The following FRMD4A variants were observed in gnomAD, a reference collection of about 807,000 sequenced individuals.
FRMD4A encodes the protein FERM domain containing 4A.
Under a neutral mutation model 129.1 loss-of-function variants are expected in FRMD4A, and 29 were observed. That is an observed-to-expected ratio of 0.22 (90% CI 0.17 to 0.31). The LOEUF (loss-of-function observed/expected upper bound fraction) is 0.31. FRMD4A is among the 10% of genes least tolerant of loss of function. The pLI is 1.00. For missense variants in FRMD4A, 1,272 were observed against 1,375.8 expected, an observed-to-expected ratio of 0.92 and a Z score of 1.19; for synonymous variants, 634 against 571.6, an observed-to-expected ratio of 1.11 and a Z score of -1.56.
At chr10:13,896,266 A>G (rs2094757268) in intron 2 of FRMD4A, among the ~76,000 whole-genome samples, 2 of 152,182 alleles carry the variant, frequency 1.3e-5, no homozygotes, top group South Asian at 4.1e-4. Flanking sequence ...CTTAGAACCA[A>G]CCCAAATGCT....
At chr10:13,947,691 C>G (rs1226792038) in intron 2 of FRMD4A, among the ~76,000 whole-genome samples, 1 of 152,070 alleles carries the variant, frequency 6.6e-6, no homozygotes, top group Non-Finnish European at 1.5e-5. Context: ...GCAGAAGCCT[C>G]CAGTGTTTAA....
At chr10:14,278,863 T>A (rs2132057255) in intron 2 of FRMD4A, among the ~76,000 whole-genome samples, 1 of 152,322 alleles carries the variant, frequency 6.6e-6, no homozygotes, top group East Asian at 1.9e-4. Context: ...TTTCTGCTTT[T>A]TTGCTTTTAA....
intron 2 of FRMD4A, among the ~76,000 whole-genome samples, chr10:13,970,065 G>A (rs1565136589): frequency 6.6e-6 from 1 of 152,086 alleles, no homozygotes; most frequent in Non-Finnish European, 1.5e-5. Flanking sequence ...TCTCCCAGCT[G>A]GGGGATTTTT....
intron 2 of FRMD4A, among the ~76,000 whole-genome samples, chr10:14,247,535 C>T (rs369552624): frequency 1.3e-5 from 2 of 152,182 alleles, no homozygotes; most frequent in African/African-American, 4.8e-5. Context: ...CTCTCTTTCT[C>T]GCTCTTTCTG....
At chr10:14,003,191 A>C (rs2095648989) in intron 2 of FRMD4A, among the ~76,000 whole-genome samples, 2 of 152,094 alleles carry the variant, frequency 1.3e-5, no homozygotes, top group South Asian at 4.1e-4. Flanking sequence ...TGCACCACGG[A>C]ATAGAGGAGC....
At chr10:14,001,665 A>G (rs1004338220) in intron 2 of FRMD4A, among the ~76,000 whole-genome samples, 3 of 152,234 alleles carry the variant, frequency 2.0e-5, no homozygotes, top group Non-Finnish European at 2.9e-5. Context: ...CACGGGCCTA[A>G]CCAATGCAGG....
chr10:14,189,320 T>C (rs1288713902), intron 2 of FRMD4A, among the ~76,000 whole-genome samples: 2 of 152,138 alleles, frequency 1.3e-5, no homozygotes, highest in Non-Finnish European at 2.9e-5. Flanking sequence ...ACGCCTGTAA[T>C]CCCAGCACTT....
Position 13,714,453 on chromosome 10 carries a change from C to T in FRMD4A, c.760-7340G>A, listed in dbSNP as rs559991157. 1.1e-4 allele frequency among the ~76,000 whole-genome samples: 17 copies of T among 150,260 alleles called. No homozygotes were observed. In the East Asian group the frequency reaches 3.3e-3, roughly 29 times the overall value. On this transcript the variant is annotated intron_variant, in intron 12 of 24. Transcript: ENST00000357447. ...GGCATTCAATATATTTTACTTTTTA[C>T]AAAAAAAGAAGACAGAGGCAAGGCC...
chr10:13,765,226 T>C (rs1200859668), intron 6 of FRMD4A, among the ~76,000 whole-genome samples: 1 of 150,494 alleles, frequency 6.6e-6, no homozygotes, highest in Non-Finnish European at 1.5e-5. Flanking sequence ...GCAATTCTCC[T>C]GCCTCAGCCT....
At chr10:14,113,393 C>A (rs1361749991) in intron 2 of FRMD4A, among the ~76,000 whole-genome samples, 1 of 152,124 alleles carries the variant, frequency 6.6e-6, no homozygotes, top group East Asian at 1.9e-4. Flanking sequence ...AATATATTTT[C>A]TTCCTTGCAA....
intron 2 of FRMD4A, among the ~76,000 whole-genome samples, chr10:13,875,013 G>T (rs1190802791): frequency 6.6e-6 from 1 of 152,176 alleles, no homozygotes; most frequent in African/African-American, 2.4e-5. Flanking sequence ...ACACCTGGTG[G>T]ATCCGTCAAT....
intron 15 of FRMD4A, chr10:13,693,680 T>A: frequency 1.5e-6 from 1 of 688,654 alleles, no homozygotes; most frequent in Non-Finnish European, 2.5e-6. Flanking sequence ...GTGGTTCTAC[T>A]GATGCTTTTT....
At chr10:14,252,693 G>A (rs1345399571) in intron 2 of FRMD4A, among the ~76,000 whole-genome samples, 1 of 152,230 alleles carries the variant, frequency 6.6e-6, no homozygotes, top group Non-Finnish European at 1.5e-5. Flanking sequence ...GGTGGTATAT[G>A]CCACATATCT....
At chr10:13,908,837 A>T (rs2094910429) in intron 2 of FRMD4A, among the ~76,000 whole-genome samples, 1 of 152,260 alleles carries the variant, frequency 6.6e-6, no homozygotes, top group South Asian at 2.1e-4. Context: ...CAACAAGTTC[A>T]TGTGTAGTAT....
At chr10:13,981,695 C>T (rs1028419980) in intron 2 of FRMD4A, among the ~76,000 whole-genome samples, 3 of 146,580 alleles carry the variant, frequency 2.0e-5, no homozygotes, top group Non-Finnish European at 4.5e-5. Context: ...GCCGAGATCA[C>T]GCCATTGCAC....
intron 2 of FRMD4A, chr10:14,008,031 A>T (rs1269189096): frequency 2.3e-6 from 3 of 1,297,492 alleles, no homozygotes; most frequent in East Asian, 5.6e-5. Context: ...GGAGCAACTG[A>T]GAAGCAAACA....
chr10:13,754,023 A>G (rs1038889324), intron 8 of FRMD4A, among the ~76,000 whole-genome samples: 1 of 152,222 alleles, frequency 6.6e-6, no homozygotes, highest in Non-Finnish European at 1.5e-5. Context: ...AATTTCAGGC[A>G]AATAATTTTC....
intron 2 of FRMD4A, among the ~76,000 whole-genome samples, chr10:14,053,953 G>A (rs932870623): frequency 6.6e-5 from 10 of 152,148 alleles, no homozygotes; most frequent in African/African-American, 2.2e-4. Context: ...GCTGCAGTGA[G>A]TTATGATCAC....
At chr10:13,844,882 C>T (rs2094020543) in intron 3 of FRMD4A, among the ~76,000 whole-genome samples, 1 of 152,126 alleles carries the variant, frequency 6.6e-6, no homozygotes, top group Non-Finnish European at 1.5e-5. Context: ...GGATACAGCC[C>T]CTATTGGGAA....
Sources: gnomAD v4.1 joint callset for allele counts (sites outside exome capture counted in the v4.1 genomes callset) on GRCh38, gnomAD v4.1.1 for gene constraint, MANE v1.5 for transcripts, NCBI Gene and HGNC (gene_info 2026-07-23, HGNC 2026-07-21) for gene names.